Variants in TIA1 observed in about 807,000 individuals in gnomAD.
TIA1 encodes cytotoxic granule associated RNA binding protein TIA1.
In TIA1, 23 loss-of-function variants were observed where a neutral mutation model predicts 65.9. The observed-to-expected ratio is 0.35, with a 90% CI of 0.25 to 0.49. The LOEUF (loss-of-function observed/expected upper bound fraction) is 0.49. Ranked by LOEUF, TIA1 falls within the 20% of genes least tolerant of loss-of-function variation. The pLI is 0.98. For synonymous variants in TIA1, 147 were observed against 149.4 expected (o/e 0.98, Z 0.12); for missense variants, 371 against 477.9 (o/e 0.78, Z 2.09).
intron 7 of TIA1, among the ~76,000 whole-genome samples, chr2:70,223,844 G>A (rs1287166816): frequency 6.6e-6 from 1 of 152,136 alleles, no homozygotes; most frequent in Non-Finnish European, 1.5e-5. Flanking sequence ...CCAAAGTGCT[G>A]AGGTTATAGG....
At chr2:70,228,876 C>T in intron 5 of TIA1, 183 bp downstream of exon 5, 2 of 1,444,652 alleles carry the variant, frequency 1.4e-6, no homozygotes, top group Non-Finnish European at 1.8e-6. Context: ...TGAACTAGCA[C>T]CAAAGTAGCG....
chr2:70,236,252 G>A (rs1325952559), intron 1 of TIA1, 77 bp from the exon 2 acceptor site: 4 of 910,482 alleles, frequency 4.4e-6, no homozygotes, highest in Non-Finnish European at 5.2e-6. Context: ...AGGATAGAGT[G>A]CAATGGCACG....
At chr2:70,242,261 G>A (rs1385928605) in intron 1 of TIA1, among the ~76,000 whole-genome samples, 2 of 151,916 alleles carry the variant, frequency 1.3e-5, no homozygotes, top group Non-Finnish European at 2.9e-5. Flanking sequence ...AGCTGGGAGC[G>A]GTGGCTCACG....
At chr2:70,236,235 G>A in intron 1 of TIA1, 60 bp from the exon 2 acceptor site, 1 of 1,149,850 alleles carries the variant, frequency 8.7e-7, no homozygotes, top group South Asian at 1.3e-5. Context: ...TTTCACTCTT[G>A]TTGCCCAGGA....
intron 8 of TIA1, 88 bp from the exon 9 acceptor site, chr2:70,216,587 T>C: frequency 7.3e-7 from 1 of 1,375,566 alleles, no homozygotes; most frequent in Non-Finnish European, 1.0e-6. Context: ...ACTGTAAAGG[T>C]AACATTAACC....
At chr2:70,226,729 A>G (rs947419937) in intron 6 of TIA1, among the ~76,000 whole-genome samples, 17 of 152,188 alleles carry the variant, frequency 1.1e-4, no homozygotes, top group African/African-American at 3.9e-4. Flanking sequence ...TATTATTAAG[A>G]AGGACAATCA....
rs1001886489 is a variant in TIA1, at chr2:70,210,993, T to C, written c.*1726A>G. 6.6e-6 allele frequency: 1 copy of C among 152,172 alleles called. No homozygotes were observed. Among genetic ancestry groups the C allele is most frequent in the African/African-American group, 2.4e-5 (1 of 41,442 alleles). The allele number at this position is 152,172 out of a possible 1,614,324, so 9.4% of individuals were successfully genotyped here. A position where few individuals can be genotyped will look rare whatever the true frequency, so the allele number is the denominator to read the frequency against. On this transcript the variant is annotated 3_prime_UTR_variant, in exon 13 of 13. Transcript: ENST00000433529. ...CCTGGGCTCTGGTTTATAAGGGTAT[T>C]GGCTTAGAGACCAGCTTGGAGTCAT...
chr2:70,230,326 TA>T (rs1422719725), intron 3 of TIA1, among the ~76,000 whole-genome samples: 3 of 151,862 alleles, frequency 2.0e-5, no homozygotes, highest in Non-Finnish European at 4.4e-5. Context: ...TTTAATATTA[TA>T]TGTCAATAAC....
At chr2:70,235,567 T>TGTGTGTGG (rs1208348666) in intron 2 of TIA1, among the ~76,000 whole-genome samples, 4 of 151,960 alleles carry the variant, frequency 2.6e-5, no homozygotes, top group African/African-American at 9.7e-5. Flanking sequence ...TGTGTGTGTG[T>TGTGTGTGG]GTGTATGTGT....
chr2:70,229,403 T>A (rs573479442), intron 3 of TIA1, 85 bp from the exon 4 acceptor site: 1 of 1,189,030 alleles, frequency 8.4e-7, no homozygotes, highest in African/African-American at 1.5e-5. Flanking sequence ...TAGGAAGATA[T>A]CTGTTTAAGA....
At chr2:70,232,150 A>G (rs1201632237) in intron 2 of TIA1, among the ~76,000 whole-genome samples, 1 of 145,172 alleles carries the variant, frequency 6.9e-6, no homozygotes, top group African/African-American at 2.5e-5. Flanking sequence ...TGCAGTGTGC[A>G]GTGAGCCGAG....
intron 5 of TIA1, chr2:70,228,645 T>C (rs1337996753): frequency 4.9e-5 from 48 of 985,298 alleles, no homozygotes; most frequent in Non-Finnish European, 5.8e-5. Flanking sequence ...ATACATCAAT[T>C]TGACAAAGCA....
At chr2:70,214,283 C>T in intron 12 of TIA1, 66 bp downstream of exon 12, 1 of 1,527,194 alleles carries the variant, frequency 6.5e-7, no homozygotes. Flanking sequence ...CTTAAAATTT[C>T]TTCCTACTTA....
At chr2:70,248,755 C>G (rs888578282), upstream of TIA1, 1 of 401,212 alleles carries the variant, frequency 2.5e-6, no homozygotes, top group African/African-American at 2.0e-5. Context: ...TGCGCAGCCG[C>G]TCTTCCACCC....
At chr2:70,243,420 C>G (rs1460867400) in intron 1 of TIA1, among the ~76,000 whole-genome samples, 1 of 152,070 alleles carries the variant, frequency 6.6e-6, no homozygotes, top group Non-Finnish European at 1.5e-5. Context: ...GGATGAGACC[C>G]TATCTCAATT....
At chr2:70,224,425 C>G (rs1682921260) in intron 7 of TIA1, 129 bp downstream of exon 7, 4 of 1,317,548 alleles carry the variant, frequency 3.0e-6, no homozygotes, top group Non-Finnish European at 4.2e-6. Context: ...CAGAAGAAAT[C>G]TTCTAGTGAG....
At position 70,216,428 on chromosome 2, in the gene TIA1, C is replaced by T. The variant is rs1678669093; in HGVS notation, c.655G>A (p.Gly219Arg). The T allele has an allele frequency of 6.2e-7, 1 of 1,613,126 alleles. No homozygotes were observed. Among genetic ancestry groups the T allele is most frequent in the Admixed American group, 1.7e-5 (1 of 59,814 alleles). Residue 219 changes from glycine (G) to arginine (R), a missense_variant, in exon 9 of 13, where the codon GGA becomes AGA. Gly to Arg is a moderately radical substitution (Grantham distance 125). Coordinates refer to ENST00000433529, the MANE Select transcript of TIA1 (RefSeq NM_022173.4). ...CCTGTTAGCCCAGAAGTAACACCTC[C>T]ACAGTATACAGTACAGTTGCTTGGA... ...SSPSNCTVYC[G>R]GVTSGLTEQL...
intron 7 of TIA1, 49 bp from the exon 8 acceptor site, chr2:70,217,043 G>T: frequency 1.3e-6 from 2 of 1,544,278 alleles, no homozygotes; most frequent in Non-Finnish European, 1.7e-6. Context: ...ATTAGTTGAT[G>T]TTAAACAACT....
At chr2:70,228,957 T>TC in intron 5 of TIA1, 102 bp downstream of exon 5, 2 of 1,059,380 alleles carry the variant, frequency 1.9e-6, no homozygotes, top group Non-Finnish European at 2.3e-6. Flanking sequence ...AAATAATATC[T>TC]CCTCCCGCCC....
Sources: gnomAD v4.1 joint callset for allele counts (sites outside exome capture counted in the v4.1 genomes callset) on GRCh38, gnomAD v4.1.1 for gene constraint, MANE v1.5 for transcripts, NCBI Gene and HGNC (gene_info 2026-07-23, HGNC 2026-07-21) for gene names.